The following ISLR2 variants were observed in gnomAD, a reference collection of about 807,000 sequenced individuals.
ISLR2 encodes the protein immunoglobulin superfamily containing leucine-rich repeat protein 2.
Under a neutral mutation model 25.5 loss-of-function variants are expected in ISLR2, and 16 were observed. That is an observed-to-expected ratio of 0.63 (90% confidence interval 0.43 to 0.95). The LOEUF (loss-of-function observed/expected upper bound fraction) is 0.95, where lower values mean the gene tolerates loss of function less well. Ranked by LOEUF, ISLR2 falls within the 40% of genes least tolerant of loss-of-function variation. The pLI, the probability that ISLR2 is intolerant of heterozygous loss-of-function variation, is 0.00. For missense variants in ISLR2, 883 were observed against 1,030.7 expected (o/e 0.86, Z 1.96); for synonymous variants, 508 against 486.6 (o/e 1.04, Z -0.58).
At position 74,134,858 on chromosome 15, in the gene ISLR2, G is replaced by A; in HGVS notation, c.2104G>A (p.Val702Met). ...GGAGAGCCTGGCGGCCTGCTCACTG[G>A]TGGAGTCCCAGTCCAAGGCCAACCA... ...REESLAACSLVESQSKANQEE... is the reference protein window; with the variant it reads ...REESLAACSLMESQSKANQEE... The change falls in exon 3 of 3, where the codon GTG becomes ATG. Residue 702 changes from valine (V) to methionine (M), a missense_variant. Val to Met is a conservative substitution (Grantham distance 21). Transcript: ENST00000453268. 2 of 1,614,162 alleles carry A rather than the reference G, an allele frequency of 1.2e-6. No individual in the cohort carries two copies. The highest frequency in any genetic ancestry group is 1.7e-6 in the Non-Finnish European group (2 of 1,180,030).
Position 74,133,897 on chromosome 15 carries a change from G to T in ISLR2, c.1143G>T (p.Ala381=), listed in dbSNP as rs765496771. ...AVAATGPPKH[A]PGAGGEPDGQ... ...CAGCAACCGGGCCCCCAAAACACGC[G>T]CCTGGCGCCGGGGGAGAACCCGACG... Residue 381 remains alanine (A), a synonymous_variant, in exon 3 of 3, where the codon GCG becomes GCT. Transcript: ENST00000453268. The T allele has an allele frequency of 6.2e-7, 1 of 1,606,078 alleles. No individual in the cohort carries two copies. Among genetic ancestry groups the T allele is most frequent in the Non-Finnish European group, 8.5e-7 (1 of 1,176,590 alleles).
At chr15:74,126,936 GTGTGTGTGTGTGTGTGT>G (rs1567158258), upstream of ISLR2, 17 of 148,088 alleles carry the variant, frequency 1.1e-4, no homozygotes, top group African/African-American at 4.5e-4. Flanking sequence ...GTGTGTGTGT[GTGTGTGTGTGTGTGTGT>G]CTGTGCGCGC....
chr15:74,137,680 G>A (rs1417046985), downstream of ISLR2, among the ~76,000 whole-genome samples: 1 of 152,156 alleles, frequency 6.6e-6, no homozygotes, highest in Admixed American at 6.5e-5. Flanking sequence ...GAAGAGAGAT[G>A]GAAGAGGAAA....
chr15:74,131,705 A>G (rs1342888836), intron 2 of ISLR2, among the ~76,000 whole-genome samples: 3 of 152,114 alleles, frequency 2.0e-5, no homozygotes, highest in South Asian at 2.1e-4. Flanking sequence ...CCTCTGCCCA[A>G]TGGGAGCCGC....
At position 74,133,925 on chromosome 15, in the gene ISLR2, C is replaced by A. The variant is rs201210704; in HGVS notation, c.1171C>A (p.Gln391Lys). The A allele has an allele frequency of 6.2e-7, 1 of 1,603,654 alleles. No homozygotes were observed. Among genetic ancestry groups the A allele is most frequent in the African/African-American group, 1.3e-5 (1 of 74,908 alleles). Residue 391 changes from glutamine (Q) to lysine (K), a missense_variant, in exon 3 of 3, where the codon CAG becomes AAG. This residue lies in a region of ISLR2 where 612 missense variants were observed against 642.8 expected (regional missense o/e 0.95). Coordinates refer to ENST00000453268, the MANE Select transcript of ISLR2 (RefSeq NM_020851.3). Reference protein sequence around the residue: ...APGAGGEPDGQAPTSERKSTA... With the variant: ...APGAGGEPDGKAPTSERKSTA... Reference sequence around the variant, plus strand: ...TGGCGCCGGGGGAGAACCCGACGGACAGGCCCCGACCTCTGAGCGCAAGTC... The same window carrying A: ...TGGCGCCGGGGGAGAACCCGACGGAAAGGCCCCGACCTCTGAGCGCAAGTC...
chr15:74,134,214 G>C lies in ISLR2; in HGVS notation c.1460G>C (p.Gly487Ala). 1.2e-6 allele frequency: 2 copies of C among 1,606,418 alleles called. No individual in the cohort carries two copies. Among genetic ancestry groups the C allele is most frequent in the Non-Finnish European group, 1.7e-6 (2 of 1,176,766 alleles). The change falls in exon 3 of 3, where the codon GGC (glycine) becomes GCC (alanine). Residue 487 changes from glycine to alanine, a missense_variant. Transcript: ENST00000453268. ...AELKPHVFEL[G>A]VIALDVAERE... ...CTCAAGCCGCACGTCTTCGAGCTGG[G>C]CGTCATCGCGCTGGATGTGGCGGAG... is the stretch of plus-strand genomic sequence containing the variant.
chr15:74,140,859 A>G (rs971889979), downstream of ISLR2, among the ~76,000 whole-genome samples: 1 of 152,256 alleles, frequency 6.6e-6, no homozygotes, highest in Non-Finnish European at 1.5e-5. Context: ...AGGACTCAAT[A>G]GAGAATAACA....
At chr15:74,121,961 G>A (rs565805764) in intron 2 of ISLR2, among the ~76,000 whole-genome samples, 1 of 152,294 alleles carries the variant, frequency 6.6e-6, no homozygotes, top group South Asian at 2.1e-4. Flanking sequence ...TAGTGCCCGT[G>A]GGCAATGGAG....
chr15:74,112,284 GA>G (rs1345169897), intron 2 of ISLR2, among the ~76,000 whole-genome samples: 3 of 152,132 alleles, frequency 2.0e-5, no homozygotes, highest in Admixed American at 1.3e-4. Context: ...CTTGGCTTTA[GA>G]GTAGAGATGC....
At chr15:74,107,762 T>C (rs1208675983) in intron 2 of ISLR2, among the ~76,000 whole-genome samples, 1 of 152,204 alleles carries the variant, frequency 6.6e-6, no homozygotes, top group African/African-American at 2.4e-5. Flanking sequence ...ATTTTCTACC[T>C]ATCATTCGAT....
intron 1 of ISLR2, 104 bp downstream of exon 1, chr15:74,130,725 A>C (rs1289416270): frequency 6.6e-6 from 1 of 152,252 alleles, no homozygotes; most frequent in Admixed American, 6.5e-5. Context: ...CAGGGGCTGA[A>C]CACATTGATG....
rs765376195 is a variant in ISLR2, at chr15:74,133,237, G to A, written c.483G>A (p.Thr161=). Residue 161 remains threonine (T), a synonymous_variant, in exon 3 of 3, where the codon ACG becomes ACA. Transcript: ENST00000453268. ...GCATCAACAACAACCGGCTGCGTACGCTGGCGCCTGGCACCTTCGACGCGC... is the reference window on the plus strand; with the variant it reads ...GCATCAACAACAACCGGCTGCGTACACTGGCGCCTGGCACCTTCGACGCGC... The part of the protein sequence containing the change: ...SLRINNNRLR[T]LAPGTFDALS... The A allele has an allele frequency of 9.9e-6, 16 of 1,612,266 alleles. 2 individuals are homozygous for A. In the South Asian group the frequency reaches 1.5e-4, roughly 15 times the overall value.
chr15:74,107,853 A>C (rs1004235763), intron 2 of ISLR2, among the ~76,000 whole-genome samples: 4 of 152,164 alleles, frequency 2.6e-5, no homozygotes, highest in African/African-American at 9.7e-5. Flanking sequence ...GTAGCAGAGC[A>C]CTGGGTATGG....
rs762215950 is a variant in ISLR2, at chr15:74,134,589, C to T, written c.1835C>T (p.Ala612Val). 3.7e-6 allele frequency: 6 copies of T among 1,613,936 alleles called. No homozygotes were observed. Among genetic ancestry groups the T allele is most frequent in the Non-Finnish European group, 5.1e-6 (6 of 1,180,004 alleles). The change falls in exon 3 of 3, where the codon GCC becomes GTC. Residue 612 changes from alanine to valine, a missense_variant. Physicochemically the swap from Ala to Val is moderately conservative, Grantham distance 64 (BLOSUM62 0). Transcript: ENST00000453268. The stretch of plus-strand genomic sequence containing the variant: ...GCCACAGTGCCCCTTCTGGGCGCCG[C>T]CTGCTGCCATCTGCTGGCTAAACAC... ...VLATVPLLGA[A>V]CCHLLAKHPG...
chr15:74,132,880 G>A lies in ISLR2; in HGVS notation c.126G>A (p.Leu42=). The change falls in exon 3 of 3, where the codon TTG becomes TTA. Residue 42 remains leucine (L), a synonymous_variant. Transcript: ENST00000453268. The surrounding 1 kb of genome is among the most constrained non-coding windows in gnomAD (Gnocchi z 4.3). ...HQFADCAYKE[L]REVPEGLPAN... ...TCGCGGACTGCGCTTACAAAGAGTT[G>A]CGTGAGGTGCCGGAAGGACTGCCTG... 6.2e-7 allele frequency: 1 copy of A among 1,614,116 alleles called. No individual in the cohort carries two copies. Among genetic ancestry groups the A allele is most frequent in the Non-Finnish European group, 8.5e-7 (1 of 1,179,956 alleles).
intron 2 of ISLR2, among the ~76,000 whole-genome samples, chr15:74,117,031 C>T (rs1567155570): frequency 6.6e-6 from 1 of 152,192 alleles, no homozygotes; most frequent in African/African-American, 2.4e-5. Context: ...CATTTATTAC[C>T]TAGCCTTCAC....
chr15:74,114,634 A>G (rs1220934003), intron 2 of ISLR2, among the ~76,000 whole-genome samples: 2 of 152,096 alleles, frequency 1.3e-5, no homozygotes, highest in African/African-American at 4.8e-5. Context: ...AAAGATACAG[A>G]TGTAAACAAC....
At chr15:74,130,044 G>A (rs2072371830), upstream of ISLR2, 3 of 152,172 alleles carry the variant, frequency 2.0e-5, no homozygotes, top group Admixed American at 6.5e-5. Flanking sequence ...CCAACGCGTC[G>A]GGCAGTGGGC....
chr15:74,134,713 G>A lies in ISLR2; in HGVS notation c.1959G>A (p.Glu653=). The change falls in exon 3 of 3, where the codon GAG becomes GAA. Residue 653 remains glutamate, a synonymous_variant. Transcript: ENST00000453268. ...ADFDPRASYL[E]SEKSYPAGGE... ...TCGACCCGCGTGCTTCGTACCTCGA[G>A]TCCGAGAAAAGCTACCCGGCAGGCG... is the stretch of plus-strand genomic sequence containing the variant. 1 of 1,614,144 alleles carries A rather than the reference G, an allele frequency of 6.2e-7. No individual in the cohort carries two copies. The highest frequency in any genetic ancestry group is 8.5e-7 in the Non-Finnish European group (1 of 1,180,018).
Sources: allele counts gnomAD v4.1 joint callset (sites outside exome capture counted in the v4.1 genomes callset), GRCh38; gene constraint gnomAD v4.1.1; regional missense constraint gnomAD v4.1.1; non-coding constraint Gnocchi (gnomAD v3.1); transcripts MANE v1.5; gene names NCBI Gene and HGNC (gene_info 2026-07-23, HGNC 2026-07-21).